The following CLSTN2 variants were observed in gnomAD, a reference collection of about 807,000 sequenced individuals.
The protein encoded by CLSTN2 is calsyntenin 2.
Under a neutral mutation model 101.2 loss-of-function variants are expected in CLSTN2, and 48 were observed. That is an observed-to-expected ratio of 0.47 (90% CI 0.38 to 0.60). The LOEUF is 0.60. CLSTN2 is among the 20% of genes least tolerant of loss of function. The pLI, the probability that CLSTN2 is intolerant of heterozygous loss-of-function variation, is 0.00. For synonymous variants in CLSTN2, 481 were observed against 463.6 expected (o/e 1.04, Z -0.48); for missense variants, 1,160 against 1,238.2 (o/e 0.94, Z 0.95).
At chr3:140,160,735 G>T (rs551016531) in intron 1 of CLSTN2, among the ~76,000 whole-genome samples, 18 of 151,978 alleles carry the variant, frequency 1.2e-4, no homozygotes, top group South Asian at 2.1e-4. Context: ...AAATAAGTAG[G>T]TCCCAATCTC....
intron 6 of CLSTN2, among the ~76,000 whole-genome samples, chr3:140,450,504 T>C (rs1303452390): frequency 6.6e-6 from 1 of 152,142 alleles, no homozygotes; most frequent in Non-Finnish European, 1.5e-5. Context: ...TCTCCCAAAA[T>C]ACTCAGGAAC....
At chr3:140,320,041 G>A (rs2087266984) in intron 2 of CLSTN2, among the ~76,000 whole-genome samples, 1 of 152,242 alleles carries the variant, frequency 6.6e-6, no homozygotes, top group South Asian at 2.1e-4. Context: ...TGCATCTGAA[G>A]TGTCACCTGG....
intron 2 of CLSTN2, among the ~76,000 whole-genome samples, chr3:140,298,487 C>T (rs1055720165): frequency 7.9e-5 from 12 of 152,176 alleles, no homozygotes; most frequent in Non-Finnish European, 8.8e-5. Context: ...CACTGAAACA[C>T]ATAGCTGCAG....
At chr3:140,137,287 A>G (rs1007843432) in intron 1 of CLSTN2, among the ~76,000 whole-genome samples, 2 of 152,166 alleles carry the variant, frequency 1.3e-5, no homozygotes, top group African/African-American at 4.8e-5. Flanking sequence ...TTACAAATAT[A>G]GGATTCTTTT....
chr3:140,421,403 T>A, intron 5 of CLSTN2, 129 bp downstream of exon 5: 1 of 1,122,668 alleles, frequency 8.9e-7, no homozygotes, highest in Non-Finnish European at 1.3e-6. Flanking sequence ...AGAAATAAAG[T>A]AGCTTGCTTA....
intron 1 of CLSTN2, among the ~76,000 whole-genome samples, chr3:140,012,811 G>A (rs1432974087): frequency 6.6e-6 from 1 of 152,242 alleles, no homozygotes; most frequent in Non-Finnish European, 1.5e-5. Flanking sequence ...AATTAACACA[G>A]TGAGGAAGGT....
At chr3:140,400,328 G>A (rs2088227116) in intron 2 of CLSTN2, among the ~76,000 whole-genome samples, 1 of 152,220 alleles carries the variant, frequency 6.6e-6, no homozygotes, top group African/African-American at 2.4e-5. Flanking sequence ...GCGTATTGCA[G>A]CCTTCTCCTC....
intron 1 of CLSTN2, among the ~76,000 whole-genome samples, chr3:139,939,001 T>C (rs1162630179): frequency 6.6e-6 from 1 of 152,072 alleles, no homozygotes; most frequent in African/African-American, 2.4e-5. Context: ...GCTTCTGTTT[T>C]AGTTGGAGAG....
At chr3:140,092,042 C>G (rs368791515) in intron 1 of CLSTN2, among the ~76,000 whole-genome samples, 1 of 152,140 alleles carries the variant, frequency 6.6e-6, no homozygotes, top group Non-Finnish European at 1.5e-5. Context: ...GATTCCCTAC[C>G]AGCCCGTTGG....
At chr3:140,343,467 A>T (rs2087510964) in intron 2 of CLSTN2, among the ~76,000 whole-genome samples, 1 of 152,222 alleles carries the variant, frequency 6.6e-6, no homozygotes, top group Admixed American at 6.5e-5. Flanking sequence ...TTGACATAAG[A>T]TTGCACGTAA....
chr3:139,958,597 G>T (rs1267550892), intron 1 of CLSTN2, among the ~76,000 whole-genome samples: 2 of 151,818 alleles, frequency 1.3e-5, no homozygotes, highest in Non-Finnish European at 2.9e-5. Flanking sequence ...GCTGGGGGAA[G>T]GGAGATCAAC....
intron 8 of CLSTN2, among the ~76,000 whole-genome samples, chr3:140,493,875 C>G (rs190115716): frequency 1.3e-3 from 194 of 152,302 alleles, no homozygotes; most frequent in African/African-American, 4.5e-3. Flanking sequence ...TAGGGCATAT[C>G]TTGATGCCAA....
intron 2 of CLSTN2, among the ~76,000 whole-genome samples, chr3:140,254,448 G>A (rs570079967): frequency 3.3e-4 from 50 of 152,142 alleles, no homozygotes; most frequent in Non-Finnish European, 5.1e-4. Flanking sequence ...TGTCATTTAT[G>A]AAATTTCAAA....
At chr3:140,224,625 GT>G (rs1414295576) in intron 2 of CLSTN2, among the ~76,000 whole-genome samples, 1 of 152,092 alleles carries the variant, frequency 6.6e-6, no homozygotes, top group Non-Finnish European at 1.5e-5. Flanking sequence ...GGTCAAATAG[GT>G]TATAAAAATT....
rs2087305433 is a variant in CLSTN2 at position 140,323,697 on chromosome 3, G to A, written c.233-79932G>A. ...TAAATGGTAGTCATTATTATGGTATGTCTTGGTTTCACTTTATCAGTTCAG... is the reference window on the plus strand; with the variant it reads ...TAAATGGTAGTCATTATTATGGTATATCTTGGTTTCACTTTATCAGTTCAG... On this transcript the variant is annotated intron_variant, in intron 2 of 16. Coordinates refer to ENST00000458420, the MANE Select transcript of CLSTN2 (RefSeq NM_022131.3). Among the ~76,000 whole-genome samples, 6 of 152,326 alleles carry A rather than the reference G, an allele frequency of 3.9e-5. No homozygotes were observed. The South Asian group carries it at 1.2e-3, about 32-fold the overall frequency.
chr3:140,034,903 C>T (rs1424872987), intron 1 of CLSTN2, among the ~76,000 whole-genome samples: 2 of 152,194 alleles, frequency 1.3e-5, no homozygotes, highest in Non-Finnish European at 2.9e-5. Flanking sequence ...AAGAGGTACA[C>T]AACAGAAGTT....
chr3:140,365,172 A>T (rs1460083585), intron 2 of CLSTN2, among the ~76,000 whole-genome samples: 1 of 152,186 alleles, frequency 6.6e-6, no homozygotes, highest in African/African-American at 2.4e-5. Flanking sequence ...AGGGAGAGCA[A>T]GGAAATTGCT....
intron 1 of CLSTN2, among the ~76,000 whole-genome samples, chr3:139,937,662 T>A (rs1258771781): frequency 6.6e-6 from 1 of 151,964 alleles, no homozygotes; most frequent in Non-Finnish European, 1.5e-5. Flanking sequence ...GAGAATCACT[T>A]GAACCCGGGA....
chr3:140,142,913 G>A (rs372877108), intron 1 of CLSTN2, among the ~76,000 whole-genome samples: 23 of 152,290 alleles, frequency 1.5e-4, no homozygotes, highest in African/African-American at 5.5e-4. Context: ...GGATTTTGTA[G>A]ACAATTTTAA....
Sources: gnomAD v4.1 joint callset for allele counts (sites outside exome capture counted in the v4.1 genomes callset) on GRCh38, gnomAD v4.1.1 for gene constraint, MANE v1.5 for transcripts, NCBI Gene and HGNC (gene_info 2026-07-23, HGNC 2026-07-21) for gene names.